Variants in MUC5AC observed in about 807,000 individuals in gnomAD.
MUC5AC encodes mucin-5AC.
MUC5AC carries 158 observed loss-of-function variants against 169.7 expected under a neutral mutation model. That is an observed-to-expected ratio of 0.93 (90% CI 0.82 to 1.06). The LOEUF is 1.06. Ranked by LOEUF, MUC5AC falls within the 50% of genes least tolerant of loss-of-function variation. The probability of loss-of-function intolerance (pLI) is 0.00; values close to 1 mark genes in which losing one functional copy is unlikely to be tolerated. For missense variants in MUC5AC, 4,359 were observed against 3,089.9 expected (o/e 1.41, Z -9.74); for synonymous variants, 1,975 against 1,237.0 (o/e 1.60, Z -12.52).
rs542392895 is a variant in MUC5AC, at chr11:1,194,303, C to G, written c.14949C>G (p.Tyr4983Ter). ...GCCCGAGGTCCATCATCCTGGAGTA[C>G]CACCAGGACCGCGTGGTGCTGACCC... ...LSCPRSIILE[Y>*]HQDRVVLTRK... The change falls in exon 34 of 49, where the codon TAC becomes TAG. Residue 4983 changes from tyrosine (Y) to a stop codon, truncating the protein, a stop_gained. Transcript: ENST00000621226. LOFTEE classifies it high-confidence loss of function. 1 of 751,678 alleles carries G rather than the reference C, an allele frequency of 1.3e-6. No individual in the cohort carries two copies. Among genetic ancestry groups the G allele is most frequent in the Non-Finnish European group, 2.4e-6 (1 of 412,440 alleles). 46.6% of individuals were successfully genotyped at this position (751,678 alleles called of 1,614,324 possible).
chr11:1,173,305 CCACT>C (rs1356523012), intron 16 of MUC5AC, among the ~76,000 whole-genome samples: 18 of 146,470 alleles, frequency 1.2e-4, no homozygotes, highest in South Asian at 2.3e-4. Context: ...ACTCACTCAC[CCACT>C]CACTCACTCA....
chr11:1,180,307 T>C, intron 27 of MUC5AC, 47 bp from the exon 28 acceptor site: 1 of 398,556 alleles, frequency 2.5e-6, no homozygotes, highest in Non-Finnish European at 4.4e-6. Flanking sequence ...CAGAGCGAGG[T>C]GGACGACACT....
Position 1,164,332 on chromosome 11 carries a change from GC to G in MUC5AC, c.1003+18del, listed in dbSNP as rs779385319. On this transcript the variant is annotated intron_variant, in intron 8 of 48. Transcript: ENST00000621226. ...CCTGACTTCTGCCGTGAGTGTCCCA[GC>G]CCCCTGTCCCCCAACCCCTTTGGCA... 12 of 1,611,688 alleles carry G rather than the reference GC, an allele frequency of 7.4e-6. No individual in the cohort carries two copies. In the African/African-American group the frequency reaches 1.6e-4, roughly 22 times the overall value.
rs1860765843 is a variant in MUC5AC at position 1,179,640 on chromosome 11, ACGGAGGGG to A, written c.3485-381_3485-374del. 1.3e-4 allele frequency among the ~76,000 whole-genome samples: 16 copies of A among 121,000 alleles called. 1 individual carries two copies. The highest frequency in any genetic ancestry group is 4.7e-4 in the African/African-American group (16 of 33,714). 79.4% of individuals were successfully genotyped at this position (121,000 alleles called of 152,430 possible). On this transcript the variant is annotated intron_variant, in intron 26 of 48. Transcript: ENST00000621226. ...AGCTCTAGGGAGGAGGGCGTGGCTG[ACGGAGGGG>A]TCCCTGGCATGGTTGGGCAGAGGGT...
chr11:1,194,400 C>T (rs746410309), intron 34 of MUC5AC, 40 bp downstream of exon 34: 23 of 707,974 alleles, frequency 3.2e-5, no homozygotes, highest in East Asian at 5.3e-5. Flanking sequence ...GGGTGGGGGA[C>T]GCGGCTTTCC....
rs751493422 is a variant in MUC5AC, at chr11:1,158,025, C to T, written c.26C>T (p.Ala9Val). ...ATGAGTGTTGGCCGGAGGAAGCTGG[C>T]CCTGCTCTGGGCCCTGGCTCTCGCT... Reference protein sequence around the residue: MSVGRRKLALLWALALALA... With the variant: MSVGRRKLVLLWALALALA... Residue 9 changes from alanine to valine, a missense_variant, in exon 1 of 49, where the codon GCC becomes GTC. Ala to Val is a moderately conservative substitution (Grantham distance 64). Transcript: ENST00000621226. 7.7e-5 allele frequency: 123 copies of T among 1,606,504 alleles called. No individual in the cohort carries two copies. Among genetic ancestry groups the T allele is most frequent in the Non-Finnish European group, 1.0e-4 (119 of 1,177,708 alleles).
At chr11:1,177,404 G>C in intron 23 of MUC5AC, 50 bp from the exon 24 acceptor site, 2 of 404,788 alleles carry the variant, frequency 4.9e-6, no homozygotes, top group Non-Finnish European at 8.7e-6. Flanking sequence ...CGTCTGGTCA[G>C]GTGGGCTGGG....
chr11:1,173,484 T>C (rs979166293), intron 16 of MUC5AC, among the ~76,000 whole-genome samples: 3,788 of 145,924 alleles, frequency 0.026, 29 homozygotes, highest in Non-Finnish European at 0.034. Flanking sequence ...CACTCACTCA[T>C]CCACTCACTC....
Position 1,186,724 on chromosome 11 carries a change from C to A in MUC5AC, c.8579C>A (p.Thr2860Lys). 1 of 730,588 alleles carries A rather than the reference C, an allele frequency of 1.4e-6. No individual in the cohort carries two copies. The highest frequency in any genetic ancestry group is 2.5e-6 in the Non-Finnish European group (1 of 400,452). 45.3% of individuals were successfully genotyped at this position (730,588 alleles called of 1,614,324 possible). Residue 2860 changes from threonine (T) to lysine (K), a missense_variant, in exon 31 of 49, where the codon ACA (threonine) becomes AAA (lysine). By Grantham distance (78) the Thr-to-Lys change is moderately conservative. Coordinates refer to ENST00000621226, the MANE Select transcript of MUC5AC (RefSeq NM_001304359.2). Reference protein sequence around the residue: ...TSTTSAPTTRTTSVPTSSTTS... With the variant: ...TSTTSAPTTRKTSVPTSSTTS... ...ACAACCTCTGCCCCTACAACCAGAACAACCTCTGTCCCTACAAGCAGCACA... is the reference window on the plus strand; with the variant it reads ...ACAACCTCTGCCCCTACAACCAGAAAAACCTCTGTCCCTACAAGCAGCACA...
Position 1,186,668 on chromosome 11 carries a change from CACCAGCACAACCTCTGCCCCTACA to C in MUC5AC, c.8553_8576del (p.Ser2851_Thr2858del), listed in dbSNP as rs1203161275. The C allele has an allele frequency of 6.5e-5, 48 of 737,482 alleles. No individual in the cohort carries two copies. Among genetic ancestry groups the C allele is most frequent in the African/African-American group, 8.7e-5 (5 of 57,220 alleles). The allele number at this position is 737,482 out of a possible 1,614,324, so 45.7% of individuals were successfully genotyped here. A position where few individuals can be genotyped will look rare whatever the true frequency, so the allele number is the denominator to read the frequency against. Reference sequence around the variant, plus strand: ...GAACTACTTCAAGCCCTGTTCCCACCACCAGCACAACCTCTGCCCCTACAACCAGCACAACCTCTGCCCCTACAA... The same window carrying C: ...GAACTACTTCAAGCCCTGTTCCCACCACCAGCACAACCTCTGCCCCTACAA... On this transcript the variant is annotated inframe_deletion, in exon 31 of 49. Coordinates refer to ENST00000621226, the MANE Select transcript of MUC5AC (RefSeq NM_001304359.2).
Position 1,188,970 on chromosome 11 carries a change from C to T in MUC5AC, c.10825C>T (p.Leu3609Phe), listed in dbSNP as rs1240366632. The change falls in exon 31 of 49, where the codon CTC (leucine) becomes TTC (phenylalanine). Residue 3609 changes from leucine (L) to phenylalanine (F), a missense_variant. Transcript: ENST00000621226. ...CCAGCAGGGACCCTTCAAGATGTGC[C>T]TCAACTACGAGGTGCGTGTGCTTTG... Reference protein sequence around the residue: ...QDQQGPFKMCLNYEVRVLCCE... With the variant: ...QDQQGPFKMCFNYEVRVLCCE... 5 of 699,594 alleles carry T rather than the reference C, an allele frequency of 7.1e-6. No individual in the cohort carries two copies. The highest frequency in any genetic ancestry group is 2.4e-4 in the Middle Eastern group (1 of 4,138). The allele number at this position is 699,594 out of a possible 1,614,324, so 43.3% of individuals were successfully genotyped here.
intron 15 of MUC5AC, among the ~76,000 whole-genome samples, chr11:1,171,484 CCCA>C (rs1860533186): frequency 7.0e-6 from 1 of 143,710 alleles, no homozygotes; most frequent in Non-Finnish European, 1.5e-5. Flanking sequence ...CACCCACTCA[CCCA>C]CTCACTCACC....
chr11:1,168,796 C>T lies in MUC5AC; in HGVS notation c.1705+17C>T, dbSNP rs768025270. The T allele has an allele frequency of 6.3e-7, 1 of 1,588,506 alleles. No homozygotes were observed. Among genetic ancestry groups the T allele is most frequent in the South Asian group, 1.1e-5 (1 of 88,974 alleles). ...AGACCTGCGGTAAGAGGGCTGCCTTCTGGGCTTGGAGCCCACCCACTCTGG... is the reference window on the plus strand; with the variant it reads ...AGACCTGCGGTAAGAGGGCTGCCTTTTGGGCTTGGAGCCCACCCACTCTGG... On this transcript the variant is annotated intron_variant, in intron 14 of 48. Coordinates refer to ENST00000621226, the MANE Select transcript of MUC5AC (RefSeq NM_001304359.2).
chr11:1,185,985 T>C lies in MUC5AC; in HGVS notation c.7840T>C (p.Ser2614Pro), dbSNP rs1860933808. ...ITSAPTTSTN[S>P]APISSTTSAT... ...CTCTGCACCTACAACCAGCACAAAC[T>C]CTGCCCCTATAAGCAGCACAACCTC... is the stretch of plus-strand genomic sequence containing the variant. Residue 2614 changes from serine (S) to proline (P), a missense_variant, in exon 31 of 49, where the codon TCT (serine) becomes CCT (proline). By Grantham distance (74) the Ser-to-Pro change is moderately conservative. Transcript: ENST00000621226. 4.8e-5 allele frequency: 35 copies of C among 729,368 alleles called. No individual in the cohort carries two copies. Among genetic ancestry groups the C allele is most frequent in the South Asian group, 4.7e-4 (33 of 70,336 alleles). 45.2% of individuals were successfully genotyped at this position (729,368 alleles called of 1,614,324 possible).
At chr11:1,179,071 C>T in intron 25 of MUC5AC, 21 bp from the exon 26 acceptor site, 1 of 508,232 alleles carries the variant, frequency 2.0e-6, no homozygotes, top group South Asian at 3.0e-5. Context: ...TCCCTGGAAC[C>T]TGAAGCCCCG....
Position 1,196,604 on chromosome 11 carries a change from A to G in MUC5AC, c.15726-13A>G, listed in dbSNP as rs1264191388. On this transcript the variant is annotated splice_polypyrimidine_tract_variant and intron_variant, in intron 38 of 48. Transcript: ENST00000621226. ...GGGAAAAAGGAGACCCACCAACCCT[A>G]TGCTCTCTACAGGGCTCTGCCGGAG... 1 of 761,562 alleles carries G rather than the reference A, an allele frequency of 1.3e-6. No individual in the cohort carries two copies. The highest frequency in any genetic ancestry group is 1.7e-5 in the Admixed American group (1 of 58,410). 47.2% of individuals were successfully genotyped at this position (761,562 alleles called of 1,614,324 possible). A position where few individuals can be genotyped will look rare whatever the true frequency, so the allele number is the denominator to read the frequency against.
At position 1,200,534 on chromosome 11, in the gene MUC5AC, C is replaced by T; in HGVS notation, c.16797C>T (p.Gly5599=). ...ATGTGACCCTGCACTGCACCGACGGCTCCAGCCGGGCCTTCAGCTACACCG... is the reference window on the plus strand; with the variant it reads ...ATGTGACCCTGCACTGCACCGACGGTTCCAGCCGGGCCTTCAGCTACACCG... The part of the protein sequence containing the change: ...LRNVTLHCTD[G]SSRAFSYTEV... The change falls in exon 49 of 49, where the codon GGC becomes GGT. Residue 5599 remains glycine, a synonymous_variant. Coordinates refer to ENST00000621226, the MANE Select transcript of MUC5AC (RefSeq NM_001304359.2). 1.3e-6 allele frequency: 1 copy of T among 763,172 alleles called. No individual in the cohort carries two copies. The highest frequency in any genetic ancestry group is 2.4e-5 in the East Asian group (1 of 41,132). 47.3% of individuals were successfully genotyped at this position (763,172 alleles called of 1,614,324 possible).
intron 15 of MUC5AC, among the ~76,000 whole-genome samples, chr11:1,170,908 ACTCACCTC>A (rs1860493622): frequency 9.7e-6 from 1 of 103,556 alleles, no homozygotes. Context: ...TCACCCACTC[ACTCACCTC>A]ACTCACTCAC....
intron 15 of MUC5AC, among the ~76,000 whole-genome samples, chr11:1,171,758 C>T (rs1156790180): frequency 2.4e-4 from 32 of 134,772 alleles, no homozygotes; most frequent in African/African-American, 8.1e-4. Flanking sequence ...CTCACCCACT[C>T]AACACTCACT....
Sources: allele counts gnomAD v4.1 joint callset (sites outside exome capture counted in the v4.1 genomes callset), GRCh38; gene constraint gnomAD v4.1.1; transcripts MANE v1.5; gene names NCBI Gene and HGNC (gene_info 2026-07-23, HGNC 2026-07-21).